Variants in SKIC3 observed in about 807,000 individuals in gnomAD.
SKIC3 encodes the protein superkiller complex protein 3.
the SKIC3 span, among the ~76,000 whole-genome samples, chr5:95,489,520 T>TAAA: frequency 3.5e-4 from 41 of 116,652 alleles, no homozygotes; most frequent in African/African-American, 1.1e-3. Context: ...GGCAACCAGT[T>TAAA]AAAAAAAAAA....
chr5:95,551,859 T>C, the SKIC3 span, among the ~76,000 whole-genome samples: 1 of 152,250 alleles, frequency 6.6e-6, no homozygotes, highest in Non-Finnish European at 1.5e-5. Flanking sequence ...CACACATAGA[T>C]GGAGTACTTG....
chr5:95,554,110 G>A, the SKIC3 span, among the ~76,000 whole-genome samples: 2 of 152,116 alleles, frequency 1.3e-5, no homozygotes, highest in Non-Finnish European at 2.9e-5. Flanking sequence ...ATAAAAGTAC[G>A]TGGCACGCAG....
chr5:95,506,530 TC>T, the SKIC3 span, among the ~76,000 whole-genome samples: 1 of 152,116 alleles, frequency 6.6e-6, no homozygotes, highest in African/African-American at 2.4e-5. Context: ...TCATTCCCCA[TC>T]CCCAAAAGGT....
At chr5:95,548,628 A>G in the SKIC3 span, 3 of 151,978 alleles carry the variant, frequency 2.0e-5, no homozygotes, top group Non-Finnish European at 2.9e-5. Flanking sequence ...GTAGTTTGCA[A>G]ATCTTGATTG....
the SKIC3 span, chr5:95,525,634 T>A: frequency 1.2e-6 from 2 of 1,614,086 alleles, no homozygotes; most frequent in East Asian, 4.5e-5. Context: ...GCCAAGCTTT[T>A]GAGAACCAAA....
the SKIC3 span, among the ~76,000 whole-genome samples, chr5:95,472,317 T>G: frequency 6.6e-6 from 1 of 152,212 alleles, no homozygotes. Flanking sequence ...GGGATTAATC[T>G]ACTGTTGACC....
chr5:95,482,869 T>G, the SKIC3 span, among the ~76,000 whole-genome samples: 1 of 152,164 alleles, frequency 6.6e-6, no homozygotes, highest in East Asian at 1.9e-4. Flanking sequence ...TACATGTATT[T>G]CCCTTTGACT....
chr5:95,541,312 T>G, the SKIC3 span: 1 of 1,613,732 alleles, frequency 6.2e-7, no homozygotes, highest in Non-Finnish European at 8.5e-7. Context: ...AACCTCTAGG[T>G]GTTTCTTTTC....
At chr5:95,525,279 C>T in the SKIC3 span, 1 of 944,192 alleles carries the variant, frequency 1.1e-6, no homozygotes, top group Admixed American at 2.0e-5. Flanking sequence ...AAACTTAAAG[C>T]CTACAAAGAT....
the SKIC3 span, among the ~76,000 whole-genome samples, chr5:95,509,331 T>C: frequency 6.6e-6 from 1 of 151,854 alleles, no homozygotes; most frequent in Non-Finnish European, 1.5e-5. Flanking sequence ...GTGAGGGGAA[T>C]GGATTTATTG....
the SKIC3 span, among the ~76,000 whole-genome samples, chr5:95,544,603 T>C: frequency 3.9e-5 from 6 of 152,316 alleles, no homozygotes; most frequent in East Asian, 1.2e-3. Flanking sequence ...ACAACAATGA[T>C]GTAACTACCA....
chr5:95,481,282 C>T, the SKIC3 span, among the ~76,000 whole-genome samples: 2 of 152,048 alleles, frequency 1.3e-5, no homozygotes, highest in Admixed American at 6.6e-5. Context: ...CTTTCCTGTG[C>T]TGTTCTCATG....
the SKIC3 span, among the ~76,000 whole-genome samples, chr5:95,511,852 C>T: frequency 6.6e-6 from 1 of 152,148 alleles, no homozygotes; most frequent in African/African-American, 2.4e-5. Context: ...TCAGTCAAGG[C>T]TACTAAGTGG....
At chr5:95,509,839 A>G in the SKIC3 span, 2 of 632,092 alleles carry the variant, frequency 3.2e-6, no homozygotes, top group South Asian at 1.8e-5. Context: ...CTTGAATATA[A>G]TGTCAGTAAA....
the SKIC3 span, chr5:95,540,826 G>A: frequency 1.2e-5 from 19 of 1,613,720 alleles, no homozygotes; most frequent in Non-Finnish European, 1.5e-5. Flanking sequence ...CCATGTTCGA[G>A]CCACCTATTA....
the SKIC3 span, among the ~76,000 whole-genome samples, chr5:95,477,560 A>G: frequency 6.6e-6 from 1 of 152,212 alleles, no homozygotes; most frequent in Non-Finnish European, 1.5e-5. Flanking sequence ...AAACACTATC[A>G]AAAGATATAA....
chr5:95,494,990 G>A, the SKIC3 span: 2 of 1,613,690 alleles, frequency 1.2e-6, no homozygotes, highest in Non-Finnish European at 8.5e-7. Flanking sequence ...TCCAGAATAT[G>A]AGCCACATTT....
At chr5:95,545,705 T>C in the SKIC3 span, among the ~76,000 whole-genome samples, 270 of 152,306 alleles carry the variant, frequency 1.8e-3, no homozygotes, top group African/African-American at 6.4e-3. Context: ...GCAACCCCAC[T>C]ACCTTTGAAG....
the SKIC3 span, among the ~76,000 whole-genome samples, chr5:95,503,552 A>G: frequency 4.8e-4 from 73 of 152,338 alleles, no homozygotes; most frequent in African/African-American, 1.6e-3. Flanking sequence ...ATTATTTGCC[A>G]TAAGTGATCT....
Sources: allele counts gnomAD v4.1 joint callset (sites outside exome capture counted in the v4.1 genomes callset), GRCh38; gene constraint gnomAD v4.1.1; transcripts MANE v1.5; gene names NCBI Gene and HGNC (gene_info 2026-07-23, HGNC 2026-07-21).